Variants in FRYL observed in about 807,000 individuals in gnomAD.
FRYL encodes FRY like transcription coactivator.
A neutral mutation model predicts 351.2 loss-of-function variants in FRYL; 150 were observed. The ratio of observed to expected loss-of-function variants is 0.43; its 90% CI spans 0.37 to 0.49. The LOEUF (loss-of-function observed/expected upper bound fraction) is 0.49, where lower values mean the gene tolerates loss of function less well. Ranked by LOEUF, FRYL falls within the 20% of genes least tolerant of loss-of-function variation. The pLI, the probability that FRYL is intolerant of heterozygous loss-of-function variation, is 0.00. For missense variants in FRYL, 3,036 were observed against 3,619.3 expected (o/e 0.84, Z 4.13); for synonymous variants, 1,153 against 1,257.1 (o/e 0.92, Z 1.75).
At chr4:48,605,926 T>C (rs1210767821) in intron 10 of FRYL, 93 bp from the exon 11 acceptor site, 1 of 779,714 alleles carries the variant, frequency 1.3e-6, no homozygotes, top group Non-Finnish European at 2.1e-6. Flanking sequence ...CTCTGTCATT[T>C]TACCAAAAAA....
Position 48,547,686 on chromosome 4 carries a change from T to C in FRYL, c.4972A>G (p.Asn1658Asp). The C allele has an allele frequency of 6.2e-7, 1 of 1,606,802 alleles. No individual in the cohort carries two copies. The highest frequency in any genetic ancestry group is 8.5e-7 in the Non-Finnish European group (1 of 1,174,910). Residue 1658 changes from asparagine (N) to aspartate (D), a missense_variant, in exon 41 of 64, where the codon AAC becomes GAC. By Grantham distance (23) the Asn-to-Asp change is conservative (BLOSUM62 1). Around this residue, in one of 7 missense-constraint regions of FRYL, gnomAD observed 1,987 missense variants for 2,311.7 expected, o/e 0.86. Transcript: ENST00000358350. ...HLLIVMGPNS[N>D]IRTVASVLLR... Reference sequence around the variant, plus strand: ...AGGACAGAAGCAACAGTTCGGATGTTACTATTGGGTCCCATTACTATTAAT... The same window carrying C: ...AGGACAGAAGCAACAGTTCGGATGTCACTATTGGGTCCCATTACTATTAAT...
At chr4:48,691,619 C>A (rs773341279) in intron 2 of FRYL, among the ~76,000 whole-genome samples, 9 of 152,092 alleles carry the variant, frequency 5.9e-5, no homozygotes, top group Non-Finnish European at 1.3e-4. Flanking sequence ...GTGCTTGACA[C>A]ACAGTAAGTA....
intron 2 of FRYL, among the ~76,000 whole-genome samples, chr4:48,692,594 T>C (rs1448046664): frequency 2.0e-5 from 3 of 152,204 alleles, no homozygotes; most frequent in Admixed American, 2.0e-4. Flanking sequence ...AGTTTTGCCA[T>C]GTTGGCCAGG....
At chr4:48,691,721 C>T (rs561711620) in intron 2 of FRYL, among the ~76,000 whole-genome samples, 1 of 152,184 alleles carries the variant, frequency 6.6e-6, no homozygotes, top group South Asian at 2.1e-4. Context: ...ATAAAAATTC[C>T]TCATAATTCT....
chr4:48,663,774 CAAAAAAAAAAA>C (rs71191251), intron 3 of FRYL, among the ~76,000 whole-genome samples: 2 of 70,112 alleles, frequency 2.9e-5, no homozygotes, highest in Admixed American at 2.0e-4. Context: ...GACTCCGTCT[CAAAAAAAAAAA>C]AAAAAAAAAA....
intron 7 of FRYL, among the ~76,000 whole-genome samples, chr4:48,617,115 T>C (rs1341908233): frequency 6.6e-6 from 1 of 152,126 alleles, no homozygotes; most frequent in Non-Finnish European, 1.5e-5. Context: ...TATATATTTT[T>C]TGATGAGTGC....
intron 43 of FRYL, 35 bp from the exon 44 acceptor site, chr4:48,544,032 G>A (rs759255586): frequency 6.3e-7 from 1 of 1,580,060 alleles, no homozygotes; most frequent in Non-Finnish European, 8.7e-7. Flanking sequence ...GGTTGTTCTT[G>A]TTCTTTAGAA....
intron 43 of FRYL, 86 bp from the exon 44 acceptor site, chr4:48,544,083 T>C (rs1730821113): frequency 3.6e-6 from 4 of 1,107,684 alleles, no homozygotes; most frequent in Non-Finnish European, 5.3e-6. Context: ...ATCTTAAAGC[T>C]AGCAGCTAGC....
At chr4:48,547,850 A>G in intron 40 of FRYL, 81 bp from the exon 41 acceptor site, 1 of 952,988 alleles carries the variant, frequency 1.0e-6, no homozygotes, top group Non-Finnish European at 1.5e-6. Context: ...TTTGAAGAAA[A>G]GGAGAAATTA....
At chr4:48,573,124 A>T (rs1456861678) in intron 26 of FRYL, 62 bp downstream of exon 26, 2 of 1,249,238 alleles carry the variant, frequency 1.6e-6, no homozygotes, top group Non-Finnish European at 2.3e-6. Context: ...CTTTTGATAT[A>T]ACATGTAAAT....
chr4:48,616,529 G>C (rs569472242), intron 7 of FRYL, among the ~76,000 whole-genome samples: 1 of 152,156 alleles, frequency 6.6e-6, no homozygotes, highest in Non-Finnish European at 1.5e-5. Context: ...AAGTTACAAA[G>C]CAAGCAAGAG....
chr4:48,587,797 G>A (rs1005883477), intron 18 of FRYL, among the ~76,000 whole-genome samples: 4 of 151,962 alleles, frequency 2.6e-5, no homozygotes, highest in South Asian at 2.1e-4. Flanking sequence ...CATACGCCTC[G>A]GCCTCCCAAA....
intron 3 of FRYL, among the ~76,000 whole-genome samples, chr4:48,652,068 C>A (rs1757799869): frequency 6.6e-6 from 1 of 152,202 alleles, no homozygotes; most frequent in African/African-American, 2.4e-5. Context: ...GCTTTACAAA[C>A]ATCTGTTTTT....
rs548437092 is a variant in FRYL at position 48,655,844 on chromosome 4, T to C, written c.-80-21354A>G. Among the ~76,000 whole-genome samples the C allele has an allele frequency of 1.3e-4, 19 of 143,066 alleles. No individual in the cohort carries two copies. In the South Asian group the frequency reaches 1.7e-3, roughly 13 times the overall value. 93.9% of individuals were successfully genotyped at this position (143,066 alleles called of 152,430 possible). ...GAATTATATAATTATATATACTATA[T>C]ATAATGTATTATATACATACATATA... is the stretch of plus-strand genomic sequence containing the variant. On this transcript the variant is annotated intron_variant, in intron 3 of 63. Coordinates refer to ENST00000358350, the MANE Select transcript of FRYL (RefSeq NM_015030.2).
At chr4:48,511,247 A>G (rs1722410110) in intron 57 of FRYL, among the ~76,000 whole-genome samples, 1 of 152,152 alleles carries the variant, frequency 6.6e-6, no homozygotes, top group African/African-American at 2.4e-5. Context: ...TTTTTTCATC[A>G]GGGGGCAGAC....
chr4:48,509,147 C>T (rs560238772), intron 59 of FRYL, among the ~76,000 whole-genome samples: 1 of 152,156 alleles, frequency 6.6e-6, no homozygotes, highest in South Asian at 2.1e-4. Flanking sequence ...TTCTGTTCAT[C>T]AAAAAATGCT....
At chr4:48,662,820 T>C (rs1240776579) in intron 3 of FRYL, among the ~76,000 whole-genome samples, 1 of 146,556 alleles carries the variant, frequency 6.8e-6, no homozygotes, top group Non-Finnish European at 1.5e-5. Flanking sequence ...TAGAATGACA[T>C]CAATGAAAAG....
intron 3 of FRYL, among the ~76,000 whole-genome samples, chr4:48,668,865 T>C (rs1024417424): frequency 1.3e-5 from 2 of 152,230 alleles, no homozygotes; most frequent in Non-Finnish European, 2.9e-5. Flanking sequence ...CCACAACTTG[T>C]ATCTGGGTGG....
intron 3 of FRYL, among the ~76,000 whole-genome samples, chr4:48,651,857 C>T (rs147574785): frequency 0.021 from 3,225 of 152,254 alleles, 103 homozygotes; most frequent in Admixed American, 0.094. Flanking sequence ...GAAATAAAAA[C>T]GTTCTTCCAC....
Sources: gnomAD v4.1 joint callset for allele counts (sites outside exome capture counted in the v4.1 genomes callset) on GRCh38, gnomAD v4.1.1 for gene constraint, gnomAD v4.1.1 regional missense constraint, MANE v1.5 for transcripts, NCBI Gene and HGNC (gene_info 2026-07-23, HGNC 2026-07-21) for gene names.